Variants in SPTA1 observed in about 807,000 individuals in gnomAD.
SPTA1 encodes spectrin alpha, erythrocytic 1.
Under a neutral mutation model 324.7 loss-of-function variants are expected in SPTA1, and 177 were observed. That is an observed-to-expected ratio of 0.55 (90% CI 0.48 to 0.62). The LOEUF is 0.62. Among genes scored for constraint, SPTA1 ranks in the 20% least tolerant of loss-of-function variants. The pLI, the probability that SPTA1 is intolerant of heterozygous loss-of-function variation, is 0.00. For synonymous variants in SPTA1, 1,195 were observed against 1,041.3 expected (o/e 1.15, Z -2.84); for missense variants, 3,162 against 2,883.6 (o/e 1.10, Z -2.21).
chr1:158,633,977 T>C (rs945425877), intron 39 of SPTA1, among the ~76,000 whole-genome samples: 21 of 152,320 alleles, frequency 1.4e-4, no homozygotes, highest in Admixed American at 1.2e-3. Flanking sequence ...TAATACATTC[T>C]TGTTTTGTAA....
rs1571529761 is a variant in SPTA1, at chr1:158,680,611, A to G, written c.650T>C (p.Val217Ala). 1.2e-6 allele frequency: 2 copies of G among 1,613,924 alleles called. No homozygotes were observed. The highest frequency in any genetic ancestry group is 1.3e-5 in the African/African-American group (1 of 75,030). The change falls in exon 5 of 52, where the codon GTG becomes GCG. Residue 217 changes from valine to alanine, a missense_variant. Transcript: ENST00000643759. Reference protein sequence around the residue: ...LVAKEGRVVEVNQYANECAEE... With the variant: ...LVAKEGRVVEANQYANECAEE... ...GGCACACTCATTGGCATATTGGTTCACTTCAACAACTCTCCCTTCTTTAGC... is the reference window on the plus strand; with the variant it reads ...GGCACACTCATTGGCATATTGGTTCGCTTCAACAACTCTCCCTTCTTTAGC...
intron 2 of SPTA1, among the ~76,000 whole-genome samples, chr1:158,684,682 A>G (rs1011607146): frequency 6.6e-6 from 1 of 152,132 alleles, no homozygotes; most frequent in Non-Finnish European, 1.5e-5. Flanking sequence ...TTTGTGCTGG[A>G]TCTGAAAAAA....
In SPTA1 at chr1:158,639,975, A is replaced by T; in HGVS notation, c.4770T>A (p.Asp1590Glu). The T allele has an allele frequency of 6.2e-7, 1 of 1,613,866 alleles. No homozygotes were observed. The highest frequency in any genetic ancestry group is 8.5e-7 in the Non-Finnish European group (1 of 1,179,890). The change falls in exon 34 of 52, where the codon GAT (aspartate) becomes GAA (glutamate). Residue 1590 changes from aspartate to glutamate, a missense_variant. By Grantham distance (45) the Asp-to-Glu change is conservative. Coordinates refer to ENST00000643759, the MANE Select transcript of SPTA1 (RefSeq NM_003126.4). The part of the protein sequence containing the change: ...EQLEQLKEHW[D>E]HLLERTNDKG... ...TGTCATTTGTTCTCTCAAGCAGATG[A>T]TCCCAATGTTCCTTCAGCTGTTCCA...
chr1:158,649,390 C>T (rs1450166580), intron 25 of SPTA1, among the ~76,000 whole-genome samples: 4 of 152,202 alleles, frequency 2.6e-5, no homozygotes, highest in Non-Finnish European at 5.9e-5. Context: ...AGTGATCCTC[C>T]CAGCTCAACC....
In SPTA1 at chr1:158,638,230, C is replaced by G; in HGVS notation, c.4992G>C (p.Lys1664Asn). The stretch of plus-strand genomic sequence containing the variant: ...AATCTTCAGCCAATGTATTCAGGTC[C>G]TTGAGTGCATCCTAGAAAGTCTCGG... Reference protein sequence around the residue: ...REMLAREDALKDLNTLAEDLL... With the variant: ...REMLAREDALNDLNTLAEDLL... Residue 1664 changes from lysine to asparagine, a missense_variant, in exon 36 of 52, where the codon AAG becomes AAC. Coordinates refer to ENST00000643759, the MANE Select transcript of SPTA1 (RefSeq NM_003126.4). 1.2e-6 allele frequency: 2 copies of G among 1,612,388 alleles called. No homozygotes were observed. The highest frequency in any genetic ancestry group is 1.7e-6 in the Non-Finnish European group (2 of 1,179,900).
chr1:158,656,373 C>A (rs1304188416), intron 20 of SPTA1, among the ~76,000 whole-genome samples, 191 bp downstream of exon 20: 2 of 152,160 alleles, frequency 1.3e-5, no homozygotes, highest in African/African-American at 4.8e-5. Context: ...TTATCAAAAA[C>A]CTCTTTTGGA....
At chr1:158,652,703 A>C in intron 22 of SPTA1, 50 bp from the exon 23 acceptor site, 1 of 1,599,454 alleles carries the variant, frequency 6.3e-7, no homozygotes, top group Non-Finnish European at 8.6e-7. Flanking sequence ...AAAATACAGA[A>C]GAGTAGAGGC....
At position 158,612,968 on chromosome 1, in the gene SPTA1, G is replaced by A. The variant is rs768999727; in HGVS notation, c.6990-7C>T. ...CAGTGAGACATAGCCCTTCCTGTGG[G>A]AGAAATGGATCAGGAGCTGAGCCTT... On this transcript the variant is annotated splice_region_variant and splice_polypyrimidine_tract_variant and intron_variant, in intron 50 of 51. Coordinates refer to ENST00000643759, the MANE Select transcript of SPTA1 (RefSeq NM_003126.4). 6.2e-7 allele frequency: 1 copy of A among 1,613,614 alleles called. No homozygotes were observed. The highest frequency in any genetic ancestry group is 8.5e-7 in the Non-Finnish European group (1 of 1,179,768).
At chr1:158,615,616 AT>A (rs1407017488) in intron 47 of SPTA1, among the ~76,000 whole-genome samples, 1 of 152,178 alleles carries the variant, frequency 6.6e-6, no homozygotes, top group African/African-American at 2.4e-5. Flanking sequence ...TCATTCTGGT[AT>A]TCTGCAACAT....
At chr1:158,627,544 A>C in intron 40 of SPTA1, 81 bp downstream of exon 40, 1 of 1,336,142 alleles carries the variant, frequency 7.5e-7, no homozygotes, top group Non-Finnish European at 1.1e-6. Flanking sequence ...TGCTCTCTGC[A>C]TATGATCTTA....
intron 39 of SPTA1, among the ~76,000 whole-genome samples, chr1:158,630,831 C>A (rs1470492274): frequency 6.6e-6 from 1 of 151,586 alleles, no homozygotes; most frequent in African/African-American, 2.4e-5. Context: ...GTAAAAAACC[C>A]CTAATAACTT....
chr1:158,614,199 C>T (rs1252786725), intron 49 of SPTA1, 54 bp downstream of exon 49: 2 of 1,321,214 alleles, frequency 1.5e-6, no homozygotes, highest in Non-Finnish European at 2.2e-6. Flanking sequence ...TTTGTAGACT[C>T]ATTCTGAATA....
chr1:158,651,356 G>A lies in SPTA1; in HGVS notation c.3477+11C>T. On this transcript the variant is annotated intron_variant, in intron 24 of 51. Coordinates refer to ENST00000643759, the MANE Select transcript of SPTA1 (RefSeq NM_003126.4). ...CTGGTAGTGAGGAGGAATGGAGGGA[G>A]CCTTAGTTACCTGCCGGATTTGAGC... The A allele has an allele frequency of 6.3e-7, 1 of 1,588,998 alleles. No homozygotes were observed.
chr1:158,631,226 G>A (rs1011045844), intron 39 of SPTA1, among the ~76,000 whole-genome samples: 1 of 152,154 alleles, frequency 6.6e-6, no homozygotes, highest in Non-Finnish European at 1.5e-5. Context: ...CCCAATTAAT[G>A]AGTAGATAAA....
At chr1:158,638,400 G>A (rs929983003) in intron 35 of SPTA1, among the ~76,000 whole-genome samples, 159 bp from the exon 36 acceptor site, 1 of 152,170 alleles carries the variant, frequency 6.6e-6, no homozygotes, top group South Asian at 2.1e-4. Context: ...ATATGTTCAG[G>A]TTGGAGAAGG....
Position 158,651,613 on chromosome 1 carries a change from C to T in SPTA1, c.3376-145G>A, listed in dbSNP as rs531064025. The T allele has an allele frequency of 5.3e-5, 37 of 698,520 alleles. No individual in the cohort carries two copies. In the African/African-American group the frequency reaches 5.9e-4, roughly 11 times the overall value. The allele number at this position is 698,520 out of a possible 1,614,324, so 43.3% of individuals were successfully genotyped here. A position where few individuals can be genotyped will look rare whatever the true frequency, so the allele number is the denominator to read the frequency against. ...CAAGCTCCTCTCCTCCAATCCACCA[C>T]TGAGAAGAGTATCCTTAAAGATCTT... On this transcript the variant is annotated intron_variant, in intron 23 of 51. Coordinates refer to ENST00000643759, the MANE Select transcript of SPTA1 (RefSeq NM_003126.4).
At chr1:158,613,943 T>G in intron 49 of SPTA1, 76 bp from the exon 50 acceptor site, 2 of 1,496,140 alleles carry the variant, frequency 1.3e-6, no homozygotes, top group Non-Finnish European at 1.8e-6. Flanking sequence ...GGAATATGTC[T>G]TATTGCGTCA....
intron 8 of SPTA1, among the ~76,000 whole-genome samples, chr1:158,675,102 A>G (rs980646194): frequency 1.7e-4 from 26 of 152,304 alleles, no homozygotes; most frequent in Non-Finnish European, 2.9e-4. Flanking sequence ...TAACCCTGTT[A>G]ATAAGAAACA....
intron 20 of SPTA1, 116 bp from the exon 21 acceptor site, chr1:158,654,864 C>T (rs933924027): frequency 5.7e-6 from 8 of 1,399,272 alleles, no homozygotes; most frequent in East Asian, 2.3e-5. Context: ...CTGGCTGGAA[C>T]CTCTTACGTG....
Sources: allele counts gnomAD v4.1 joint callset (sites outside exome capture counted in the v4.1 genomes callset), GRCh38; gene constraint gnomAD v4.1.1; transcripts MANE v1.5; gene names NCBI Gene and HGNC (gene_info 2026-07-23, HGNC 2026-07-21).